Variants in CRYZL1 observed in about 807,000 individuals in gnomAD.
CRYZL1 encodes ferry endosomal RAB5 effector complex subunit 4.
In CRYZL1, 34 loss-of-function variants were observed where a neutral mutation model predicts 50.6. The ratio of observed to expected loss-of-function variants is 0.67; its 90% CI spans 0.51 to 0.89. CRYZL1 has a LOEUF of 0.89. Ranked by LOEUF, CRYZL1 falls within the 40% of genes least tolerant of loss-of-function variation. The pLI, the probability that CRYZL1 is intolerant of heterozygous loss-of-function variation, is 0.00. For synonymous variants in CRYZL1, 125 were observed against 134.3 expected, an observed-to-expected ratio of 0.93 and a Z score of 0.48; for missense variants, 354 against 402.3, an observed-to-expected ratio of 0.88 and a Z score of 1.03.
At chr21:33,637,225 C>T (rs1202239945) in intron 1 of CRYZL1, among the ~76,000 whole-genome samples, 1 of 152,038 alleles carries the variant, frequency 6.6e-6, no homozygotes, top group Non-Finnish European at 1.5e-5. Flanking sequence ...GCGGGCGGAT[C>T]ACGAGGTCAG....
At chr21:33,590,696 G>C (rs1178358113) in intron 12 of CRYZL1, among the ~76,000 whole-genome samples, 1 of 152,166 alleles carries the variant, frequency 6.6e-6, no homozygotes, top group Non-Finnish European at 1.5e-5. Context: ...GATTACAGGC[G>C]TGAGCCACCA....
At chr21:33,600,057 A>G (rs1304482617) in intron 8 of CRYZL1, among the ~76,000 whole-genome samples, 2 of 152,176 alleles carry the variant, frequency 1.3e-5, no homozygotes, top group African/African-American at 2.4e-5. Context: ...ACCGTAAGTC[A>G]AAAATGCACT....
At chr21:33,627,324 C>T (rs911405809) in intron 2 of CRYZL1, among the ~76,000 whole-genome samples, 1 of 152,038 alleles carries the variant, frequency 6.6e-6, no homozygotes, top group African/African-American at 2.4e-5. Flanking sequence ...GTCTTGAATT[C>T]CTGGGCTTAA....
At chr21:33,630,629 C>T (rs1271932165) in intron 2 of CRYZL1, among the ~76,000 whole-genome samples, 1 of 151,728 alleles carries the variant, frequency 6.6e-6, no homozygotes, top group African/African-American at 2.4e-5. Context: ...TCCAACAATC[C>T]CTCTCCTGGG....
intron 1 of CRYZL1, among the ~76,000 whole-genome samples, chr21:33,637,786 TATAC>T (rs1326123160): frequency 7.1e-5 from 10 of 141,318 alleles, no homozygotes; most frequent in East Asian, 6.6e-4. Flanking sequence ...TATATATATA[TATAC>T]ACACACACAC....
chr21:33,591,479 C>G (rs1194413826), intron 11 of CRYZL1: 2 of 503,334 alleles, frequency 4.0e-6, no homozygotes, highest in African/African-American at 3.8e-5. Flanking sequence ...TAAGTGCTCA[C>G]CACTATTATC....
At chr21:33,616,074 C>G (rs2086927501) in intron 5 of CRYZL1, among the ~76,000 whole-genome samples, 1 of 151,868 alleles carries the variant, frequency 6.6e-6, no homozygotes, top group Non-Finnish European at 1.5e-5. Flanking sequence ...AATGCTATCC[C>G]TCCCCCCCCC....
intron 1 of CRYZL1, among the ~76,000 whole-genome samples, chr21:33,632,155 T>G (rs2087145195): frequency 7.2e-6 from 1 of 138,196 alleles, no homozygotes; most frequent in African/African-American, 2.7e-5. Flanking sequence ...AAACCCCATC[T>G]CTACTAAAAA....
chr21:33,608,298 T>C (rs2086835157), intron 6 of CRYZL1, among the ~76,000 whole-genome samples: 1 of 151,996 alleles, frequency 6.6e-6, no homozygotes, highest in African/African-American at 2.4e-5. Flanking sequence ...CTACTAAAAA[T>C]ACAAAAAGTA....
chr21:33,629,936 C>T (rs1348842718), intron 2 of CRYZL1, among the ~76,000 whole-genome samples: 1 of 152,116 alleles, frequency 6.6e-6, no homozygotes, highest in Non-Finnish European at 1.5e-5. Flanking sequence ...GGATTTTTAT[C>T]ATGAAGGGAT....
chr21:33,625,225 G>A (rs992976848), intron 2 of CRYZL1, among the ~76,000 whole-genome samples: 5 of 150,414 alleles, frequency 3.3e-5, no homozygotes, highest in African/African-American at 4.9e-5. Flanking sequence ...GCGCGATCTC[G>A]GCTCACTGCA....
intron 1 of CRYZL1, among the ~76,000 whole-genome samples, chr21:33,635,477 A>C (rs187592962): frequency 2.2e-4 from 33 of 149,806 alleles, no homozygotes; most frequent in Non-Finnish European, 4.0e-4. Context: ...CCGCCTCCGG[A>C]GTAGCTGGGA....
chr21:33,620,775 A>G (rs1291976021), intron 4 of CRYZL1, among the ~76,000 whole-genome samples: 1 of 148,018 alleles, frequency 6.8e-6, no homozygotes, highest in Admixed American at 6.9e-5. Context: ...ACGCCACTGC[A>G]CTCCAGCCTG....
chr21:33,639,900 A>T lies in CRYZL1; in HGVS notation c.-7+1781T>A, dbSNP rs553620980. 1.8e-5 allele frequency: 5 copies of T among 272,854 alleles called. No individual in the cohort carries two copies. In the East Asian group the frequency reaches 3.6e-4, roughly 20 times the overall value. The allele number at this position is 272,854 out of a possible 1,614,324, so 16.9% of individuals were successfully genotyped here. A position where few individuals can be genotyped will look rare whatever the true frequency, so the allele number is the denominator to read the frequency against. On this transcript the variant is annotated intron_variant, in intron 1 of 12. Coordinates refer to ENST00000381554, the MANE Select transcript of CRYZL1 (RefSeq NM_145858.3). The stretch of plus-strand genomic sequence containing the variant: ...AGTGTGGTGGTCGTGATCTTGGCTC[A>T]CTGTAACCTCCGCCTCCCGGGTTCA...
chr21:33,622,017 T>G lies in CRYZL1; in HGVS notation c.196A>C (p.Ile66Leu), dbSNP rs1031862936. ...KKDLFPVGREIAGIVLDVGSK... is the reference protein window; with the variant it reads ...KKDLFPVGRELAGIVLDVGSK... ...TTACCATCTAATACAATTCCAGCAATTTCTCTCCCAACAGGAAATAAATCC... is the reference window on the plus strand; with the variant it reads ...TTACCATCTAATACAATTCCAGCAAGTTCTCTCCCAACAGGAAATAAATCC... The change falls in exon 4 of 13, where the codon ATT (isoleucine) becomes CTT (leucine). Residue 66 changes from isoleucine (I) to leucine (L), a missense_variant. Physicochemically the swap from Ile to Leu is conservative, Grantham distance 5 (BLOSUM62 2). Transcript: ENST00000381554. The G allele has an allele frequency of 6.2e-7, 1 of 1,611,802 alleles. No individual in the cohort carries two copies. The highest frequency in any genetic ancestry group is 2.2e-5 in the East Asian group (1 of 44,738).
At chr21:33,599,042 C>A in intron 9 of CRYZL1, 108 bp downstream of exon 9, 1 of 929,494 alleles carries the variant, frequency 1.1e-6, no homozygotes, top group Non-Finnish European at 1.6e-6. Flanking sequence ...TAAAACTGAA[C>A]ATCTGGTTTA....
intron 6 of CRYZL1, among the ~76,000 whole-genome samples, chr21:33,610,420 T>C (rs1161149334): frequency 6.6e-6 from 1 of 152,080 alleles, no homozygotes; most frequent in East Asian, 1.9e-4. Flanking sequence ...CCTCCCAAAG[T>C]GCTGGGATTA....
intron 1 of CRYZL1, among the ~76,000 whole-genome samples, chr21:33,637,887 C>T (rs551269685): frequency 9.0e-4 from 137 of 151,654 alleles, no homozygotes; most frequent in Middle Eastern, 3.4e-3. Flanking sequence ...CCATGCCAGG[C>T]TCTCTTGGGC....
Position 33,604,504 on chromosome 21 carries a change from G to A in CRYZL1, c.332-967C>T, listed in dbSNP as rs1409890494. On this transcript the variant is annotated intron_variant, in intron 6 of 12. Transcript: ENST00000381554. ...AGATTGCACCACTGCACTCCAGCCT[G>A]GGTGACAGAGCAAGACTCCGTCTCA... Among the ~76,000 whole-genome samples, 4 of 148,820 alleles carry A rather than the reference G, an allele frequency of 2.7e-5. No individual in the cohort carries two copies. In the East Asian group the frequency reaches 5.9e-4, roughly 22 times the overall value.
Sources: allele counts gnomAD v4.1 joint callset (sites outside exome capture counted in the v4.1 genomes callset), GRCh38; gene constraint gnomAD v4.1.1; transcripts MANE v1.5; gene names NCBI Gene and HGNC (gene_info 2026-07-23, HGNC 2026-07-21).